The following PKNOX1 variants were observed in gnomAD, a reference collection of about 807,000 sequenced individuals.
PKNOX1 encodes the protein PBX/knotted 1 homeobox 1.
PKNOX1 carries 15 observed loss-of-function variants against 51.9 expected under a neutral mutation model. The ratio of observed to expected loss-of-function variants is 0.29; its 90% CI spans 0.19 to 0.45. PKNOX1 has a LOEUF of 0.45. Ranked by LOEUF, PKNOX1 falls within the 20% of genes least tolerant of loss-of-function variation. The pLI, the probability that PKNOX1 is intolerant of heterozygous loss-of-function variation, is 1.00. For missense variants in PKNOX1, 462 were observed against 547.5 expected, an observed-to-expected ratio of 0.84 and a Z score of 1.56; for synonymous variants, 219 against 211.1, an observed-to-expected ratio of 1.04 and a Z score of -0.32.
At chr21:43,014,476 G>A (rs192880657) in intron 5 of PKNOX1, among the ~76,000 whole-genome samples, 1 of 151,680 alleles carries the variant, frequency 6.6e-6, no homozygotes, top group African/African-American at 2.4e-5. Context: ...CTCTTAACAG[G>A]TCTTTTTCAG....
chr21:42,994,183 G>A (rs1377001177), intron 1 of PKNOX1, among the ~76,000 whole-genome samples: 15 of 144,974 alleles, frequency 1.0e-4, no homozygotes, highest in Non-Finnish European at 2.1e-4. Context: ...TGGGACTACA[G>A]ACATGTGCCA....
chr21:43,004,374 G>GAC lies in PKNOX1; in HGVS notation c.-7_-6insCA. Reference sequence around the variant, plus strand: ...ATGATTTGATGTCTTATAAAACTCTGATGAACCATGATGGCTACACAGACA... The same window carrying GAC: ...ATGATTTGATGTCTTATAAAACTCTGACATGAACCATGATGGCTACACAGACA... On this transcript the variant is annotated 5_prime_UTR_variant, in exon 2 of 11. It adds an upstream start codon to the 5' untranslated region. Coordinates refer to ENST00000291547, the MANE Select transcript of PKNOX1 (RefSeq NM_004571.5). 1 of 1,596,324 alleles carries GAC rather than the reference G, an allele frequency of 6.3e-7. No homozygotes were observed.
chr21:43,026,788 T>C (rs1980000554), intron 9 of PKNOX1, among the ~76,000 whole-genome samples: 1 of 151,846 alleles, frequency 6.6e-6, no homozygotes, highest in Admixed American at 6.6e-5. Context: ...CACATTACAG[T>C]AGCAGTGGGG....
At chr21:43,026,805 C>G (rs936801477) in intron 9 of PKNOX1, among the ~76,000 whole-genome samples, 1 of 149,898 alleles carries the variant, frequency 6.7e-6, no homozygotes, top group Non-Finnish European at 1.5e-5. Context: ...GGGGCCTTCC[C>G]TCCCAGGTCT....
intron 1 of PKNOX1, among the ~76,000 whole-genome samples, chr21:42,986,906 G>A (rs930540404): frequency 7.2e-5 from 11 of 152,136 alleles, no homozygotes; most frequent in African/African-American, 2.2e-4. Flanking sequence ...AGTCAACACT[G>A]CTCTGGGTAG....
At position 43,017,112 on chromosome 21, in the gene PKNOX1, C is replaced by G. The variant is rs142720359; in HGVS notation, c.622+105C>G. The G allele has an allele frequency of 3.5e-4, 247 of 699,606 alleles. 1 individual carries two copies. Among genetic ancestry groups the G allele is most frequent in the African/African-American group, 2.9e-3 (168 of 57,034 alleles). 43.3% of individuals were successfully genotyped at this position (699,606 alleles called of 1,614,324 possible). A position where few individuals can be genotyped will look rare whatever the true frequency, so the allele number is the denominator to read the frequency against. On this transcript the variant is annotated intron_variant, in intron 6 of 10. Transcript: ENST00000291547. ...TATAATTTCAAGTTCATGCCATTTT[C>G]TAATATAGCAATGTTAGAAGCTAGA...
chr21:42,990,107 A>T (rs34784450), intron 1 of PKNOX1, among the ~76,000 whole-genome samples: 2,670 of 151,590 alleles, frequency 0.018, 46 homozygotes, highest in East Asian at 0.063. Context: ...AAAAAAAAAA[A>T]AATAATAATA....
intron 9 of PKNOX1, among the ~76,000 whole-genome samples, chr21:43,026,823 G>T (rs1980002161): frequency 7.7e-6 from 1 of 129,828 alleles, no homozygotes; most frequent in South Asian, 2.5e-4. Flanking sequence ...TCTCGCTGGG[G>T]TTGTGGGTGG....
chr21:43,011,626 C>T (rs372351852), intron 4 of PKNOX1, among the ~76,000 whole-genome samples: 18 of 152,310 alleles, frequency 1.2e-4, no homozygotes, highest in South Asian at 6.2e-4. Flanking sequence ...CACAAAGATC[C>T]GGCATCAGGG....
chr21:43,003,891 T>C (rs1481279736), intron 1 of PKNOX1: 1 of 155,716 alleles, frequency 6.4e-6, no homozygotes, highest in Non-Finnish European at 1.4e-5. Flanking sequence ...CATAACATAC[T>C]GTTAAGGATA....
chr21:43,009,370 G>A (rs956562146), intron 3 of PKNOX1, among the ~76,000 whole-genome samples: 13 of 152,098 alleles, frequency 8.5e-5, no homozygotes, highest in African/African-American at 1.4e-4. Context: ...GCTTGAACCC[G>A]AGAGGCGGAG....
rs1012863966 is a variant in PKNOX1, at chr21:42,990,522, G to A, written c.-56-13804G>A. ...GGGTTCCCTGTGGAGTAGGGAAGGG[G>A]CAGTGTTATAAGTTGGATTTCTGGC... On this transcript the variant is annotated intron_variant, in intron 1 of 10. Transcript: ENST00000291547. Among the ~76,000 whole-genome samples, 4 of 152,168 alleles carry A rather than the reference G, an allele frequency of 2.6e-5. 1 individual carries two copies. Among genetic ancestry groups the A allele is most frequent in the Non-Finnish European group, 5.9e-5 (4 of 68,034 alleles).
At chr21:42,990,616 G>A (rs1245967946) in intron 1 of PKNOX1, among the ~76,000 whole-genome samples, 1 of 152,150 alleles carries the variant, frequency 6.6e-6, no homozygotes, top group African/African-American at 2.4e-5. Flanking sequence ...CCCATCTTAC[G>A]TTCATTGGCT....
Position 43,029,960 on chromosome 21 carries a change from G to A in PKNOX1, c.1170G>A (p.Gly390=), listed in dbSNP as rs1328120969. The change falls in exon 11 of 11, where the codon GGG becomes GGA. Residue 390 remains glycine (G), a synonymous_variant. Transcript: ENST00000291547. ...GCCTTCAGTCTCTGTCCTCGGACGG[G>A]GCCACCCTGGCGGTGCAGCAGGTCA... The part of the protein sequence containing the change: ...VDSLQSLSSD[G]ATLAVQQVMM... 3 of 1,614,142 alleles carry A rather than the reference G, an allele frequency of 1.9e-6. No individual in the cohort carries two copies. The South Asian group carries it at 3.3e-5, about 18-fold the overall frequency.
chr21:42,986,131 G>A (rs1193706068), intron 1 of PKNOX1, among the ~76,000 whole-genome samples: 1 of 152,114 alleles, frequency 6.6e-6, no homozygotes, highest in African/African-American at 2.4e-5. Context: ...TTTTGATACA[G>A]ATTTTAACAG....
chr21:43,023,619 T>C (rs1046124718), intron 8 of PKNOX1, among the ~76,000 whole-genome samples: 5 of 140,466 alleles, frequency 3.6e-5, no homozygotes, highest in Non-Finnish European at 7.6e-5. Context: ...TGCTATCTAG[T>C]TCTGATTGGA....
At chr21:43,019,411 A>AAC (rs1555862905) in intron 7 of PKNOX1, among the ~76,000 whole-genome samples, 21 of 150,838 alleles carry the variant, frequency 1.4e-4, no homozygotes, top group African/African-American at 3.9e-4. Context: ...AAAATAAACA[A>AAC]AAAAAAAACA....
Position 43,021,525 on chromosome 21 carries a change from C to T in PKNOX1, c.849+94C>T. 7.1e-7 allele frequency: 1 copy of T among 1,401,364 alleles called. No individual in the cohort carries two copies. The highest frequency in any genetic ancestry group is 1.4e-5 in the South Asian group (1 of 69,946). 86.8% of individuals were successfully genotyped at this position (1,401,364 alleles called of 1,614,324 possible). A position where few individuals can be genotyped will look rare whatever the true frequency, so the allele number is the denominator to read the frequency against. On this transcript the variant is annotated intron_variant, in intron 8 of 10. Coordinates refer to ENST00000291547, the MANE Select transcript of PKNOX1 (RefSeq NM_004571.5). The surrounding 1 kb of genome is among the most constrained non-coding windows in gnomAD (Gnocchi z 4.6). The stretch of plus-strand genomic sequence containing the variant: ...TGGAAAAGGGTTACTTCTCTGGGCT[C>T]AGAAAATCAAAGGCCTGACTTTCAG...
At chr21:42,993,935 G>C (rs1978364761) in intron 1 of PKNOX1, among the ~76,000 whole-genome samples, 2 of 149,758 alleles carry the variant, frequency 1.3e-5, no homozygotes, top group Non-Finnish European at 3.0e-5. Context: ...GTTTCACCAT[G>C]TTGGCCAGGC....
Sources: allele counts gnomAD v4.1 joint callset (sites outside exome capture counted in the v4.1 genomes callset), GRCh38; gene constraint gnomAD v4.1.1; non-coding constraint Gnocchi (gnomAD v3.1); transcripts MANE v1.5; gene names NCBI Gene and HGNC (gene_info 2026-07-23, HGNC 2026-07-21).